Variants in IL10RA observed in about 807,000 individuals in gnomAD.
The protein encoded by IL10RA is interleukin-10 receptor subunit alpha.
Under a neutral mutation model 29.6 loss-of-function variants are expected in IL10RA, and 18 were observed. The observed-to-expected ratio is 0.61, with a 90% CI of 0.42 to 0.90. IL10RA has a LOEUF of 0.90. Ranked by LOEUF, IL10RA falls within the 40% of genes least tolerant of loss-of-function variation. The pLI, the probability that IL10RA is intolerant of heterozygous loss-of-function variation, is 0.00. For synonymous variants in IL10RA, 292 were observed against 294.1 expected (o/e 0.99, Z 0.07); for missense variants, 634 against 716.6 (o/e 0.88, Z 1.32).
At chr11:117,995,239 G>T in intron 5 of IL10RA, 1 of 381,178 alleles carries the variant, frequency 2.6e-6, no homozygotes, top group Non-Finnish European at 5.0e-6. Context: ...CAGCTAGTAA[G>T]TGGTGAAGCT....
Position 117,999,059 on chromosome 11 carries a change from C to T in IL10RA, c.1155C>T (p.Pro385=). ...CCAGCCTGAGCCCCAGCACAGGGCC[C>T]ACCTGGGAGCAACAGGTGGGGAGCA... is the stretch of plus-strand genomic sequence containing the variant. ...QEPSLSPSTG[P]TWEQQVGSNS... The change falls in exon 7 of 7, where the codon CCC becomes CCT. Residue 385 remains proline (P), a synonymous_variant. Coordinates refer to ENST00000227752, the MANE Select transcript of IL10RA (RefSeq NM_001558.4). 6.2e-7 allele frequency: 1 copy of T among 1,611,876 alleles called. No homozygotes were observed. The highest frequency in any genetic ancestry group is 8.5e-7 in the Non-Finnish European group (1 of 1,178,190).
At chr11:117,998,394 G>A (rs2058069975) in intron 6 of IL10RA, among the ~76,000 whole-genome samples, 1 of 152,128 alleles carries the variant, frequency 6.6e-6, no homozygotes, top group Non-Finnish European at 1.5e-5. Context: ...TTCTAGATGG[G>A]TCTAGCCTGC....
intron 1 of IL10RA, chr11:117,987,429 A>G (rs1017768110): frequency 5.0e-5 from 8 of 159,598 alleles, no homozygotes; most frequent in African/African-American, 1.9e-4. Flanking sequence ...AAAATAAATA[A>G]AAAACAGGTG....
chr11:117,987,199 C>T (rs963037630), intron 1 of IL10RA: 13 of 269,970 alleles, frequency 4.8e-5, no homozygotes, highest in Non-Finnish European at 7.4e-5. Flanking sequence ...AGAGCAAGGA[C>T]CGAAACTGCT....
chr11:117,989,412 T>C lies in IL10RA; in HGVS notation c.189-30T>C, dbSNP rs747104560. The C allele has an allele frequency of 1.2e-6, 2 of 1,605,930 alleles. No homozygotes were observed. Among genetic ancestry groups the C allele is most frequent in the Admixed American group, 3.3e-5 (2 of 60,032 alleles). On this transcript the variant is annotated intron_variant, in intron 2 of 6. Transcript: ENST00000227752. This position sits in a 1 kb window ranked among gnomAD's most constrained non-coding sequence, Gnocchi z 4.5. ...GGAGGTAGGATTGAGCACAAGCTCG[T>C]TTCCAGTGCCTAACCTGGTATCTCC...
intron 3 of IL10RA, chr11:117,993,000 G>T: frequency 1.9e-6 from 1 of 533,614 alleles, no homozygotes; most frequent in Non-Finnish European, 3.4e-6. Context: ...TCAATTGTGG[G>T]TTTATTTCTG....
At position 117,998,722 on chromosome 11, in the gene IL10RA, A is replaced by G. The variant is rs750798173; in HGVS notation, c.818A>G (p.Lys273Arg). The G allele has an allele frequency of 9.9e-6, 16 of 1,613,912 alleles. No homozygotes were observed. The Admixed American group carries it at 2.3e-4, about 24-fold the overall frequency. ...RKKLPSVLLFKKPSPFIFISQ... is the reference protein window; with the variant it reads ...RKKLPSVLLFRKPSPFIFISQ... The stretch of plus-strand genomic sequence containing the variant: ...CTGCCCTCTCTTCCCCAGCTCTTCA[A>G]GAAGCCCAGCCCCTTCATCTTCATC... The change falls in exon 7 of 7, where the codon AAG (lysine) becomes AGG (arginine). Residue 273 changes from lysine to arginine, a missense_variant. Coordinates refer to ENST00000227752, the MANE Select transcript of IL10RA (RefSeq NM_001558.4).
At position 117,989,568 on chromosome 11, in the gene IL10RA, C is replaced by T. The variant is rs1433087305; in HGVS notation, c.315C>T (p.Gly105=). The change falls in exon 3 of 7, where the codon GGC becomes GGT. Residue 105 remains glycine, a synonymous_variant. Transcript: ENST00000227752. The surrounding 1 kb of genome is among the most constrained non-coding windows in gnomAD (Gnocchi z 4.5). ...GGGCCAGAGTGCGGGCTGTGGACGG[C>T]AGCCGGCACTCCAACTGGACCGTCA... ...GYRARVRAVD[G]SRHSNWTVTN... 1 of 1,614,180 alleles carries T rather than the reference C, an allele frequency of 6.2e-7. No homozygotes were observed. Among genetic ancestry groups the T allele is most frequent in the Non-Finnish European group, 8.5e-7 (1 of 1,180,038 alleles).
rs1028353597 is a variant in IL10RA at position 118,001,082 on chromosome 11, C to A, written c.*1441C>A. On this transcript the variant is annotated 3_prime_UTR_variant, in exon 7 of 7. Transcript: ENST00000227752. ...CCAGGGAATCCAGCCATGACCCCCA[C>A]CCCTCTGCCAAAGTACTCTTAGGTG... 1 of 454,166 alleles carries A rather than the reference C, an allele frequency of 2.2e-6. No homozygotes were observed. Among genetic ancestry groups the A allele is most frequent in the Admixed American group, 2.3e-5 (1 of 42,562 alleles). 28.1% of individuals were successfully genotyped at this position (454,166 alleles called of 1,614,324 possible). A position where few individuals can be genotyped will look rare whatever the true frequency, so the allele number is the denominator to read the frequency against.
In IL10RA at chr11:117,989,554, C is replaced by T. The variant is rs368287711; in HGVS notation, c.301C>T (p.Arg101Trp). ...CAGCAATGGCTACCGGGCCAGAGTG[C>T]GGGCTGTGGACGGCAGCCGGCACTC... ...YHSNGYRARV[R>W]AVDGSRHSNW... Residue 101 changes from arginine (R) to tryptophan (W), a missense_variant, in exon 3 of 7, where the codon CGG (arginine) becomes TGG (tryptophan). Arg to Trp is a moderately radical substitution (Grantham distance 101). Transcript: ENST00000227752. This position sits in a 1 kb window ranked among gnomAD's most constrained non-coding sequence, Gnocchi z 4.5. 12 of 1,613,984 alleles carry T rather than the reference C, an allele frequency of 7.4e-6. No homozygotes were observed. In the East Asian group the frequency reaches 1.3e-4, roughly 18 times the overall value.
At chr11:117,995,857 C>A in intron 6 of IL10RA, 147 bp downstream of exon 6, 2 of 868,754 alleles carry the variant, frequency 2.3e-6, no homozygotes, top group Admixed American at 2.0e-5. Flanking sequence ...ATACCTTCAT[C>A]AAGCGCTGTG....
chr11:117,994,521 G>A lies in IL10RA; in HGVS notation c.688+372G>A, dbSNP rs1373203789. Reference sequence around the variant, plus strand: ...TTCTGCTGTTCTTCCTCAGAGCCAGGGATACAAAGGGCTTCTCCTTACTTC... The same window carrying A: ...TTCTGCTGTTCTTCCTCAGAGCCAGAGATACAAAGGGCTTCTCCTTACTTC... On this transcript the variant is annotated intron_variant, in intron 5 of 6. Coordinates refer to ENST00000227752, the MANE Select transcript of IL10RA (RefSeq NM_001558.4). Among the ~76,000 whole-genome samples the A allele has an allele frequency of 3.9e-5, 6 of 152,248 alleles. No individual in the cohort carries two copies. In the East Asian group the frequency reaches 1.2e-3, roughly 29 times the overall value.
rs1409311372 is a variant in IL10RA at position 117,986,474 on chromosome 11, C to T, written c.7C>T (p.Pro3Ser). Residue 3 changes from proline (P) to serine (S), a missense_variant, in exon 1 of 7, where the codon CCG becomes TCG. By Grantham distance (74) the Pro-to-Ser change is moderately conservative. Coordinates refer to ENST00000227752, the MANE Select transcript of IL10RA (RefSeq NM_001558.4). ML[P>S]CLVVLLAALL... ...ACGATGCGGCGCGCCCAGGATGCTG[C>T]CGTGCCTCGTAGTGCTGCTGGCGGC... The T allele has an allele frequency of 6.4e-7, 1 of 1,554,736 alleles. No individual in the cohort carries two copies. Among genetic ancestry groups the T allele is most frequent in the African/African-American group, 1.4e-5 (1 of 73,288 alleles).
chr11:117,993,379 T>C lies in IL10RA; in HGVS notation c.506T>C (p.Ile169Thr), dbSNP rs369219156. 5.8e-5 allele frequency: 93 copies of C among 1,614,100 alleles called. No homozygotes were observed. Among genetic ancestry groups the C allele is most frequent in the Non-Finnish European group, 7.6e-5 (90 of 1,180,030 alleles). ...TTCAGTCACTTCCGAGAGTATGAGA[T>C]TGCCATTCGCAAGGTGCCGGGAAAC... is the stretch of plus-strand genomic sequence containing the variant. ...SIFSHFREYE[I>T]AIRKVPGNFT... Residue 169 changes from isoleucine to threonine, a missense_variant, in exon 4 of 7, where the codon ATT becomes ACT. Transcript: ENST00000227752.
In IL10RA at chr11:118,000,395, C is replaced by G. The variant is rs926912294; in HGVS notation, c.*754C>G. 4 of 454,146 alleles carry G rather than the reference C, an allele frequency of 8.8e-6. No homozygotes were observed. The highest frequency in any genetic ancestry group is 8.0e-5 in the African/African-American group (4 of 50,018). The allele number at this position is 454,146 out of a possible 1,614,324, so 28.1% of individuals were successfully genotyped here. A position where few individuals can be genotyped will look rare whatever the true frequency, so the allele number is the denominator to read the frequency against. ...AATGGAGTAGCATCCCCCTGGGGCA[C>G]TTGCTGAGGCCAAGCCACTCACATC... is the stretch of plus-strand genomic sequence containing the variant. On this transcript the variant is annotated 3_prime_UTR_variant, in exon 7 of 7. Coordinates refer to ENST00000227752, the MANE Select transcript of IL10RA (RefSeq NM_001558.4).
intron 1 of IL10RA, chr11:117,986,936 T>C: frequency 1.2e-6 from 1 of 859,296 alleles, no homozygotes; most frequent in Non-Finnish European, 1.7e-6. Context: ...CTAACCTCTG[T>C]CTGTCCTTCT....
Position 117,999,767 on chromosome 11 carries a change from C to A in IL10RA, c.*126C>A. 1 of 861,074 alleles carries A rather than the reference C, an allele frequency of 1.2e-6. No homozygotes were observed. Among genetic ancestry groups the A allele is most frequent in the South Asian group, 1.4e-5 (1 of 71,166 alleles). 53.3% of individuals were successfully genotyped at this position (861,074 alleles called of 1,614,324 possible). The stretch of plus-strand genomic sequence containing the variant: ...GCACTTTTCTGCAAGTCCACTGGGG[C>A]TGGCCCCAGCCAGGCCCTGCAGGGC... On this transcript the variant is annotated 3_prime_UTR_variant, in exon 7 of 7. Transcript: ENST00000227752.
chr11:117,988,652 G>C (rs1454321724), intron 2 of IL10RA, 150 bp downstream of exon 2: 1 of 897,582 alleles, frequency 1.1e-6, no homozygotes, highest in African/African-American at 1.7e-5. Flanking sequence ...TACTGACTGA[G>C]ACTCCCTTGC....
rs377525753 is a variant in IL10RA, at chr11:117,988,410, G to A, written c.96G>A (p.Val32=). 2.5e-4 allele frequency: 408 copies of A among 1,614,190 alleles called. 1 individual carries two copies. The highest frequency in any genetic ancestry group is 2.3e-4 in the Non-Finnish European group (269 of 1,180,034). The change falls in exon 2 of 7, where the codon GTG becomes GTA. Residue 32 remains valine, a synonymous_variant. Transcript: ENST00000227752. ...HGTELPSPPS[V]WFEAEFFHHI... is the part of the protein sequence containing the mutation. ...CAGAGCTGCCCAGCCCTCCGTCTGT[G>A]TGGTTTGAAGCAGAATTTTTCCACC...
Sources: gnomAD v4.1 joint callset for allele counts (sites outside exome capture counted in the v4.1 genomes callset) on GRCh38, gnomAD v4.1.1 for gene constraint, Gnocchi (gnomAD v3.1) non-coding constraint, MANE v1.5 for transcripts, NCBI Gene and HGNC (gene_info 2026-07-23, HGNC 2026-07-21) for gene names.